FAF1: variants seen among roughly 807,000 people sequenced by gnomAD.
FAF1 encodes the protein Fas associated factor 1.
In FAF1, 25 loss-of-function variants were observed where a neutral mutation model predicts 92.5. The ratio of observed to expected loss-of-function variants is 0.27; its 90% confidence interval spans 0.20 to 0.38. FAF1 has a LOEUF of 0.38. Among genes scored for constraint, FAF1 ranks in the 10% least tolerant of loss-of-function variants. The pLI is 1.00. For missense variants in FAF1, 636 were observed against 793.3 expected (o/e 0.80, Z 2.38); for synonymous variants, 234 against 273.2 (o/e 0.86, Z 1.42).
intron 1 of FAF1, among the ~76,000 whole-genome samples, chr1:50,910,580 C>T (rs538116531): frequency 6.6e-6 from 1 of 152,172 alleles, no homozygotes; most frequent in Non-Finnish European, 1.5e-5. Context: ...CAAGCCTCAG[C>T]AATGGCGGAC....
At chr1:50,822,275 C>T (rs899239852) in intron 2 of FAF1, among the ~76,000 whole-genome samples, 2 of 152,074 alleles carry the variant, frequency 1.3e-5, no homozygotes, top group East Asian at 1.9e-4. Flanking sequence ...AATAGCCCAA[C>T]AGGCAGAATC....
At chr1:50,791,025 C>T (rs1292444746) in intron 3 of FAF1, among the ~76,000 whole-genome samples, 1 of 152,084 alleles carries the variant, frequency 6.6e-6, no homozygotes, top group African/African-American at 2.4e-5. Context: ...GTAAATCATA[C>T]TCCAAAAAGT....
intron 12 of FAF1, among the ~76,000 whole-genome samples, chr1:50,571,929 T>C (rs918583763): frequency 1.3e-5 from 2 of 152,236 alleles, no homozygotes; most frequent in African/African-American, 2.4e-5. Context: ...ATAATCTGCA[T>C]GTTCAATGCT....
At chr1:50,630,486 T>C (rs187896480) in intron 8 of FAF1, among the ~76,000 whole-genome samples, 9 of 152,334 alleles carry the variant, frequency 5.9e-5, no homozygotes, top group Non-Finnish European at 1.3e-4. Flanking sequence ...ATATAACCGT[T>C]TTTTAACATG....
At chr1:50,722,056 G>T (rs1488497459) in intron 6 of FAF1, among the ~76,000 whole-genome samples, 1 of 152,140 alleles carries the variant, frequency 6.6e-6, no homozygotes. Flanking sequence ...ATATTAAAAA[G>T]TTAAAAACCT....
At chr1:50,552,556 A>C (rs1419505999) in intron 13 of FAF1, among the ~76,000 whole-genome samples, 1 of 152,228 alleles carries the variant, frequency 6.6e-6, no homozygotes. Context: ...GAAGAAATAG[A>C]AAATAAATGT....
chr1:50,617,219 G>A (rs1022043094), intron 8 of FAF1, among the ~76,000 whole-genome samples: 1 of 152,136 alleles, frequency 6.6e-6, no homozygotes. Flanking sequence ...TATTGTTCCA[G>A]TTCTCAAGGG....
intron 7 of FAF1, among the ~76,000 whole-genome samples, chr1:50,658,565 A>G (rs2124304262): frequency 6.6e-6 from 1 of 152,336 alleles, no homozygotes; most frequent in Middle Eastern, 3.4e-3. Flanking sequence ...CTATAGTGTT[A>G]TGTTGGTATT....
chr1:50,606,765 T>C (rs966093278), intron 8 of FAF1: 1 of 152,632 alleles, frequency 6.6e-6, no homozygotes, highest in Non-Finnish European at 1.5e-5. Flanking sequence ...CCTCCCAAAG[T>C]GCTGGTATTA....
chr1:50,810,815 G>A (rs540809870), intron 2 of FAF1, among the ~76,000 whole-genome samples: 10 of 152,310 alleles, frequency 6.6e-5, no homozygotes, highest in South Asian at 4.1e-4. Flanking sequence ...CTGGGAGGCC[G>A]AGATGGGTGT....
chr1:50,671,824 T>C (rs1001137668), intron 7 of FAF1, among the ~76,000 whole-genome samples: 4 of 151,602 alleles, frequency 2.6e-5, no homozygotes, highest in African/African-American at 9.7e-5. Context: ...TATTTACTTT[T>C]AGAGACAGGG....
At chr1:50,891,768 A>G (rs1003105315) in intron 1 of FAF1, among the ~76,000 whole-genome samples, 15 of 152,154 alleles carry the variant, frequency 9.9e-5, no homozygotes, top group African/African-American at 3.6e-4. Context: ...GTCTGCCCCT[A>G]CTGGGGCCTA....
chr1:50,665,540 G>C (rs930460566), intron 7 of FAF1, among the ~76,000 whole-genome samples: 2 of 152,194 alleles, frequency 1.3e-5, no homozygotes, highest in African/African-American at 4.8e-5. Flanking sequence ...GCAGAGCCCA[G>C]AGGTCAAATC....
At chr1:50,920,097 C>T (rs1000317310) in intron 1 of FAF1, among the ~76,000 whole-genome samples, 11 of 151,912 alleles carry the variant, frequency 7.2e-5, no homozygotes, top group African/African-American at 2.2e-4. Context: ...GTCAGGAGTT[C>T]GGGACCAGCC....
At position 50,766,193 on chromosome 1, in the gene FAF1, T is replaced by C. The variant is rs114744819; in HGVS notation, c.368-21418A>G. 4.1e-3 allele frequency among the ~76,000 whole-genome samples: 624 copies of C among 152,222 alleles called. 5 individuals are homozygous for C. Among genetic ancestry groups the C allele is most frequent in the Non-Finnish European group, 6.7e-3 (459 of 68,004 alleles). ...CAACAAAACATGCAATAATATTACA[T>C]CATTTGGATTTTTCTCAAGCACAAT... On this transcript the variant is annotated intron_variant, in intron 4 of 18. Coordinates refer to ENST00000396153, the MANE Select transcript of FAF1 (RefSeq NM_007051.3).
At chr1:50,895,883 T>C (rs1021901384) in intron 1 of FAF1, among the ~76,000 whole-genome samples, 3 of 152,096 alleles carry the variant, frequency 2.0e-5, no homozygotes, top group Non-Finnish European at 4.4e-5. Context: ...ACACTGGGTA[T>C]AGAGAGAACA....
At chr1:50,732,627 T>G (rs1298857656) in intron 6 of FAF1, among the ~76,000 whole-genome samples, 2 of 152,226 alleles carry the variant, frequency 1.3e-5, no homozygotes, top group Non-Finnish European at 2.9e-5. Flanking sequence ...TGTCATTTCT[T>G]TAAAAGATGT....
chr1:50,785,405 A>G (rs1040288184), intron 4 of FAF1, among the ~76,000 whole-genome samples: 1 of 152,042 alleles, frequency 6.6e-6, no homozygotes, highest in African/African-American at 2.4e-5. Flanking sequence ...AATACAAAAT[A>G]CAGAAAAACT....
intron 4 of FAF1, among the ~76,000 whole-genome samples, chr1:50,749,903 G>A (rs892124220): frequency 2.0e-5 from 3 of 152,038 alleles, no homozygotes; most frequent in South Asian, 2.1e-4. Context: ...CATAATTCAC[G>A]AAAAATGTTT....
Sources: gnomAD v4.1 joint callset for allele counts (sites outside exome capture counted in the v4.1 genomes callset) on GRCh38, gnomAD v4.1.1 for gene constraint, MANE v1.5 for transcripts, NCBI Gene and HGNC (gene_info 2026-07-23, HGNC 2026-07-21) for gene names.